LRMDA: variants seen among roughly 807,000 people sequenced by gnomAD.
LRMDA encodes leucine-rich melanocyte differentiation-associated protein.
LRMDA carries 18 observed loss-of-function variants against 29.8 expected under a neutral mutation model. The observed-to-expected ratio is 0.60, with a 90% CI of 0.42 to 0.90. The LOEUF is 0.90. LRMDA is among the 40% of genes least tolerant of loss of function. LRMDA has a pLI of 0.00. For synonymous variants in LRMDA, 125 were observed against 109.4 expected (o/e 1.14, Z -0.89); for missense variants, 273 against 273.9 (o/e 1.00, Z 0.02).
chr10:75,494,375 C>T (rs184156174), intron 2 of LRMDA, among the ~76,000 whole-genome samples: 8 of 152,158 alleles, frequency 5.3e-5, no homozygotes, highest in East Asian at 1.9e-4. Flanking sequence ...TTTCCACTAG[C>T]GGTTGTTGAA....
chr10:75,859,604 C>CACACACACACAA (rs1554830267), intron 2 of LRMDA, among the ~76,000 whole-genome samples: 2 of 43,244 alleles, frequency 4.6e-5, no homozygotes, highest in Admixed American at 4.3e-4. Context: ...AGGGCATACA[C>CACACACACACAA]ACACACACAC....
intron 6 of LRMDA, among the ~76,000 whole-genome samples, chr10:76,487,712 A>G (rs1842796299): frequency 6.6e-6 from 1 of 151,854 alleles, no homozygotes; most frequent in African/African-American, 2.4e-5. Flanking sequence ...GCTAACTTGG[A>G]TTGAGCTCTT....
intron 2 of LRMDA, among the ~76,000 whole-genome samples, chr10:75,605,035 C>T (rs1840938340): frequency 6.6e-6 from 1 of 152,094 alleles, no homozygotes; most frequent in Admixed American, 6.5e-5. Flanking sequence ...TTGACTTTGA[C>T]AAGTAGAAAA....
intron 6 of LRMDA, among the ~76,000 whole-genome samples, chr10:76,375,511 G>C (rs143074942): frequency 6.6e-6 from 1 of 152,116 alleles, no homozygotes; most frequent in African/African-American, 2.4e-5. Context: ...AAAATGCTTC[G>C]TAGTGTTTTA....
chr10:76,151,308 GTTC>G (rs1850437749), intron 5 of LRMDA, among the ~76,000 whole-genome samples: 1 of 152,166 alleles, frequency 6.6e-6, no homozygotes, highest in Non-Finnish European at 1.5e-5. Flanking sequence ...GCTTGCTACT[GTTC>G]TTCTGAAAGA....
chr10:75,994,871 C>T (rs1211725476), intron 2 of LRMDA, among the ~76,000 whole-genome samples: 2 of 152,160 alleles, frequency 1.3e-5, no homozygotes, highest in Admixed American at 6.5e-5. Context: ...GTACAATAAC[C>T]CATAATTCTT....
intron 2 of LRMDA, among the ~76,000 whole-genome samples, chr10:75,763,522 C>T (rs1843123052): frequency 6.6e-6 from 1 of 152,140 alleles, no homozygotes; most frequent in Admixed American, 6.5e-5. Flanking sequence ...AGGAGTTATA[C>T]ACAGTAGACA....
At chr10:76,137,787 C>A (rs72815531) in intron 5 of LRMDA, among the ~76,000 whole-genome samples, 2,169 of 104,060 alleles carry the variant, frequency 0.021, 56 homozygotes, top group African/African-American at 0.065. Context: ...AAAAAAAAAA[C>A]AAACAAAAAA....
intron 2 of LRMDA, among the ~76,000 whole-genome samples, chr10:75,728,894 G>T (rs979051899): frequency 6.6e-6 from 1 of 152,096 alleles, no homozygotes; most frequent in African/African-American, 2.4e-5. Flanking sequence ...CCTGCCCGTG[G>T]CACAGTAGCC....
chr10:75,992,727 C>A (rs1406716760), intron 2 of LRMDA, among the ~76,000 whole-genome samples: 2 of 152,096 alleles, frequency 1.3e-5, no homozygotes, highest in East Asian at 3.9e-4. Flanking sequence ...TGGGCTCCTC[C>A]CCATGGTGCT....
At chr10:76,129,972 C>A (rs926016855) in intron 5 of LRMDA, among the ~76,000 whole-genome samples, 1 of 152,106 alleles carries the variant, frequency 6.6e-6, no homozygotes, top group African/African-American at 2.4e-5. Flanking sequence ...GGGGTAATAA[C>A]CATATTTACT....
intron 2 of LRMDA, among the ~76,000 whole-genome samples, chr10:75,711,745 A>G (rs879360134): frequency 3.9e-5 from 6 of 152,192 alleles, no homozygotes; most frequent in Admixed American, 1.3e-4. Flanking sequence ...TTACAAGCAC[A>G]TACTCAGGCA....
At chr10:76,109,357 A>C (rs1481392871) in intron 5 of LRMDA, among the ~76,000 whole-genome samples, 2 of 152,224 alleles carry the variant, frequency 1.3e-5, no homozygotes, top group African/African-American at 4.8e-5. Context: ...AATATACAGC[A>C]AAATCAATCA....
chr10:76,215,154 T>C lies in LRMDA; in HGVS notation c.517-109247T>C, dbSNP rs533123431. Among the ~76,000 whole-genome samples, 443 of 152,328 alleles carry C rather than the reference T, an allele frequency of 2.9e-3. 6 individuals carry two copies. Among genetic ancestry groups the C allele is most frequent in the African/African-American group, 0.01 (425 of 41,580 alleles). On this transcript the variant is annotated intron_variant, in intron 5 of 6. Coordinates refer to ENST00000611255, the MANE Select transcript of LRMDA (RefSeq NM_001305581.2). Reference sequence around the variant, plus strand: ...TCAGCAGGACTCAAAGACCTGGGCCTCAGCTGTTTCTCTCATCAGTTTGCT... The same window carrying C: ...TCAGCAGGACTCAAAGACCTGGGCCCCAGCTGTTTCTCTCATCAGTTTGCT...
intron 5 of LRMDA, among the ~76,000 whole-genome samples, chr10:76,183,023 G>A (rs1408880280): frequency 6.6e-6 from 1 of 152,152 alleles, no homozygotes; most frequent in Non-Finnish European, 1.5e-5. Context: ...TATTTAAAGG[G>A]ACTAGAAGAC....
At chr10:75,857,395 T>C (rs538630113) in intron 2 of LRMDA, among the ~76,000 whole-genome samples, 3 of 152,242 alleles carry the variant, frequency 2.0e-5, no homozygotes, top group Middle Eastern at 3.4e-3. Flanking sequence ...CTGGTGTGGG[T>C]GAGAGAAGGT....
chr10:75,885,197 C>T (rs1469886031), intron 2 of LRMDA, among the ~76,000 whole-genome samples: 1 of 152,186 alleles, frequency 6.6e-6, no homozygotes, highest in African/African-American at 2.4e-5. Flanking sequence ...GCTTCCTCAC[C>T]CTGCAATGCT....
intron 2 of LRMDA, among the ~76,000 whole-genome samples, chr10:75,845,115 TG>T (rs1225512076): frequency 2.0e-5 from 3 of 151,802 alleles, no homozygotes; most frequent in African/African-American, 4.9e-5. Context: ...GATTTTTTTT[TG>T]TTTTTTTTTA....
At chr10:75,438,627 G>A in intron 2 of LRMDA, 133 bp downstream of exon 2, 1 of 681,628 alleles carries the variant, frequency 1.5e-6, no homozygotes, top group Admixed American at 2.6e-5. Flanking sequence ...AAGGCTCTGA[G>A]ATGCGTGGAA....
Sources: gnomAD v4.1 joint callset for allele counts (sites outside exome capture counted in the v4.1 genomes callset) on GRCh38, gnomAD v4.1.1 for gene constraint, MANE v1.5 for transcripts, NCBI Gene and HGNC (gene_info 2026-07-23, HGNC 2026-07-21) for gene names.